The following ODAD3 variants were observed in gnomAD, a reference collection of about 807,000 sequenced individuals.
ODAD3 encodes outer dynein arm docking complex subunit 3.
Under a neutral mutation model 70.9 loss-of-function variants are expected in ODAD3, and 57 were observed. The observed-to-expected ratio is 0.80, with a 90% CI of 0.65 to 1.00. The LOEUF (loss-of-function observed/expected upper bound fraction) is 1.00, where lower values mean the gene tolerates loss of function less well. Ranked by LOEUF, ODAD3 falls within the 50% of genes least tolerant of loss-of-function variation. The pLI is 0.00. For synonymous variants in ODAD3, 327 were observed against 315.9 expected (o/e 1.04, Z -0.37); for missense variants, 797 against 763.9 (o/e 1.04, Z -0.51).
At position 11,422,509 on chromosome 19, in the gene ODAD3, G is replaced by C; in HGVS notation, c.1396C>G (p.Leu466Val). The C allele has an allele frequency of 6.3e-7, 1 of 1,593,400 alleles. No homozygotes were observed. Among genetic ancestry groups the C allele is most frequent in the South Asian group, 1.1e-5 (1 of 87,954 alleles). Residue 466 changes from leucine (L) to valine (V), a missense_variant, in exon 10 of 13, where the codon CTG (leucine) becomes GTG (valine). Coordinates refer to ENST00000356392, the MANE Select transcript of ODAD3 (RefSeq NM_145045.5). This position sits in a 1 kb window ranked among gnomAD's most constrained non-coding sequence, Gnocchi z 4.6. ...LRAMQVAKDS[L>V]EHLASKLIHI... ...ATCAGCTTGCTGGCCAGGTGCTCCA[G>C]GCTGTCCTTGGCCACTTGCATCGCC...
chr19:11,421,097 C>A lies in ODAD3; in HGVS notation c.1675+31G>T, dbSNP rs1969121694. ...CTGCTACCCAGCTTGGGGCCCCAAC[C>A]GCACCCCTTCATCCCCCCACCCATA... is the stretch of plus-strand genomic sequence containing the variant. On this transcript the variant is annotated intron_variant, in intron 12 of 12. Transcript: ENST00000356392. 4 of 1,610,184 alleles carry A rather than the reference C, an allele frequency of 2.5e-6. No homozygotes were observed. In the South Asian group the frequency reaches 4.4e-5, roughly 18 times the overall value.
intron 3 of ODAD3, among the ~76,000 whole-genome samples, chr19:11,430,119 TA>T (rs1439214651): frequency 9.2e-5 from 14 of 152,048 alleles, no homozygotes; most frequent in African/African-American, 2.2e-4. Context: ...TAAAATGTTT[TA>T]TTTTTTTTAA....
At chr19:11,430,121 T>A (rs1969472448) in intron 3 of ODAD3, among the ~76,000 whole-genome samples, 1 of 151,652 alleles carries the variant, frequency 6.6e-6, no homozygotes. Context: ...AAATGTTTTA[T>A]TTTTTTTAAT....
In ODAD3 at chr19:11,425,341, A is replaced by ACG; in HGVS notation, c.963+802_963+803insCG. ...TGTGTATATGTACATATGTGTATAT[A>ACG]TGTATATATGTGTATATGTACATAT... On this transcript the variant is annotated intron_variant, in intron 7 of 12. Transcript: ENST00000356392. Among the ~76,000 whole-genome samples the ACG allele has an allele frequency of 2.4e-5, 3 of 126,804 alleles. 1 individual carries two copies. The highest frequency in any genetic ancestry group is 1.1e-4 in the African/African-American group (3 of 28,468). The allele number at this position is 126,804 out of a possible 152,430, so 83.2% of individuals were successfully genotyped here.
rs569856411 is a variant in ODAD3 at position 11,433,318 on chromosome 19, T to G, written c.244+1455A>C. On this transcript the variant is annotated intron_variant, in intron 1 of 12. Coordinates refer to ENST00000356392, the MANE Select transcript of ODAD3 (RefSeq NM_145045.5). ...CATGCCACCATGCCCGGCTAATTTT[T>G]TGTATTTTTAGTAGAGACAGCGTTT... Among the ~76,000 whole-genome samples, 20 of 152,266 alleles carry G rather than the reference T, an allele frequency of 1.3e-4. No homozygotes were observed. In the South Asian group the frequency reaches 4.1e-3, roughly 32 times the overall value.
At chr19:11,431,137 G>A (rs1969495554) in intron 1 of ODAD3, 117 bp from the exon 2 acceptor site, 2 of 1,311,644 alleles carry the variant, frequency 1.5e-6, no homozygotes, top group Non-Finnish European at 2.1e-6. Context: ...TTGAGATGGA[G>A]TTTCACTCTT....
At chr19:11,423,600 G>A (rs1043353694) in intron 8 of ODAD3, among the ~76,000 whole-genome samples, 1 of 152,172 alleles carries the variant, frequency 6.6e-6, no homozygotes, top group African/African-American at 2.4e-5. Context: ...CATGGCAAAG[G>A]AGTTAGCATG....
chr19:11,432,312 T>C (rs190093134), intron 1 of ODAD3, among the ~76,000 whole-genome samples: 1 of 152,224 alleles, frequency 6.6e-6, no homozygotes, highest in Non-Finnish European at 1.5e-5. Flanking sequence ...GCAGTGGTGC[T>C]ATCACTGCTC....
In ODAD3 at chr19:11,425,595, G is replaced by A. The variant is rs377137817; in HGVS notation, c.963+549C>T. On this transcript the variant is annotated intron_variant, in intron 7 of 12. Transcript: ENST00000356392. Reference sequence around the variant, plus strand: ...TGTATGTATATATGTATGTATATGTGTATATATGTGTGTGTATATATGCAT... The same window carrying A: ...TGTATGTATATATGTATGTATATGTATATATATGTGTGTGTATATATGCAT... Among the ~76,000 whole-genome samples the A allele has an allele frequency of 7.9e-5, 10 of 127,386 alleles. 1 individual carries two copies. Among genetic ancestry groups the A allele is most frequent in the African/African-American group, 3.8e-4 (9 of 23,632 alleles). The allele number at this position is 127,386 out of a possible 152,430, so 83.6% of individuals were successfully genotyped here. A position where few individuals can be genotyped will look rare whatever the true frequency, so the allele number is the denominator to read the frequency against.
In ODAD3 at chr19:11,421,212, AC is replaced by A; in HGVS notation, c.1591-1del. The A allele has an allele frequency of 6.2e-7, 1 of 1,612,282 alleles. No homozygotes were observed. The highest frequency in any genetic ancestry group is 8.5e-7 in the Non-Finnish European group (1 of 1,179,386). On this transcript the variant is annotated splice_acceptor_variant, in intron 11 of 12. Coordinates refer to ENST00000356392, the MANE Select transcript of ODAD3 (RefSeq NM_145045.5). LOFTEE classifies it high-confidence loss of function. ...AGCCTTCCCTCTAAGCTGGCGAGGA[AC>A]TAAGCGGGGATGGGAAGCGAGAGAG...
rs201850869 is a variant in ODAD3, at chr19:11,423,871, A to T, written c.1116+6T>A. 3.1e-6 allele frequency: 5 copies of T among 1,606,166 alleles called. No homozygotes were observed. The highest frequency in any genetic ancestry group is 1.7e-4 in the Middle Eastern group (1 of 6,036). ...CGCGGCGGAGAGGGCTGCGGGCAGA[A>T]CTCACGTGCGTCTCGTCAGTGCCAG... On this transcript the variant is annotated splice_donor_region_variant and intron_variant, in intron 8 of 12. Transcript: ENST00000356392.
At chr19:11,424,997 G>A (rs1275503740) in intron 7 of ODAD3, among the ~76,000 whole-genome samples, 2 of 124,614 alleles carry the variant, frequency 1.6e-5, no homozygotes, top group Non-Finnish European at 3.2e-5. Flanking sequence ...GTACATATGT[G>A]TATATGTATA....
intron 3 of ODAD3, 97 bp from the exon 4 acceptor site, chr19:11,427,137 A>G: frequency 7.5e-7 from 1 of 1,334,584 alleles, no homozygotes; most frequent in Non-Finnish European, 9.9e-7. Flanking sequence ...TGTGGCTTCC[A>G]GGACTCCCCT....
At chr19:11,425,372 T>TATATGTGTGTATGTAC (rs1413915422) in intron 7 of ODAD3, among the ~76,000 whole-genome samples, 1 of 131,520 alleles carries the variant, frequency 7.6e-6, no homozygotes, top group African/African-American at 3.7e-5. Context: ...CATATGTGTA[T>TATATGTGTGTATGTAC]ATATGTGTGT....
At position 11,430,978 on chromosome 19, in the gene ODAD3, A is replaced by T. The variant is rs773649555; in HGVS notation, c.287T>A (p.Ile96Asn). The T allele has an allele frequency of 2.5e-6, 4 of 1,613,828 alleles. No homozygotes were observed. In the South Asian group the frequency reaches 4.4e-5, roughly 18 times the overall value. ...ACTGATGGTCTCCTGGTTCTTCTTG[A>T]TGTTCCACTGAGAGCTCTCAAAAAA... Reference protein sequence around the residue: ...KAFFESSQWNIKKNQETISQL... With the variant: ...KAFFESSQWNNKKNQETISQL... The change falls in exon 2 of 13, where the codon ATC becomes AAC. Residue 96 changes from isoleucine (I) to asparagine (N), a missense_variant. Physicochemically the swap from Ile to Asn is moderately radical, Grantham distance 149. Coordinates refer to ENST00000356392, the MANE Select transcript of ODAD3 (RefSeq NM_145045.5).
upstream of ODAD3, chr19:11,435,613 G>T (rs1599475335): frequency 9.1e-7 from 1 of 1,103,730 alleles, no homozygotes; most frequent in East Asian, 5.8e-5. Flanking sequence ...CGGAAGTGAC[G>T]GGGTCCAGAA....
Position 11,425,295 on chromosome 19 carries a change from A to G in ODAD3, c.963+849T>C, listed in dbSNP as rs1049835842. On this transcript the variant is annotated intron_variant, in intron 7 of 12. Coordinates refer to ENST00000356392, the MANE Select transcript of ODAD3 (RefSeq NM_145045.5). ...TATGTGTGTATATGTACATATGTGT[A>G]TATATGTGTATGTGTACATATGTGT... 1.0e-4 allele frequency among the ~76,000 whole-genome samples: 14 copies of G among 139,238 alleles called. 2 individuals are homozygous for G. Among genetic ancestry groups the G allele is most frequent in the African/African-American group, 3.3e-4 (11 of 33,462 alleles). 91.3% of individuals were successfully genotyped at this position (139,238 alleles called of 152,430 possible). A position where few individuals can be genotyped will look rare whatever the true frequency, so the allele number is the denominator to read the frequency against.
intron 6 of ODAD3, 24 bp downstream of exon 6, chr19:11,426,422 G>A (rs1024660392): frequency 1.9e-6 from 3 of 1,613,834 alleles, no homozygotes; most frequent in African/African-American, 2.7e-5. Flanking sequence ...TGGGCAGGAT[G>A]GCCGAGGGCA....
At chr19:11,433,807 G>C (rs994225645) in intron 1 of ODAD3, among the ~76,000 whole-genome samples, 10 of 152,044 alleles carry the variant, frequency 6.6e-5, no homozygotes, top group African/African-American at 2.4e-4. Flanking sequence ...TATGCCTGTA[G>C]TCCCAGCTAC....
Sources: gnomAD v4.1 joint callset for allele counts (sites outside exome capture counted in the v4.1 genomes callset) on GRCh38, gnomAD v4.1.1 for gene constraint, Gnocchi (gnomAD v3.1) non-coding constraint, MANE v1.5 for transcripts, NCBI Gene and HGNC (gene_info 2026-07-23, HGNC 2026-07-21) for gene names.